The following HIVEP3 variants were observed in gnomAD, a reference collection of about 807,000 sequenced individuals.
HIVEP3 encodes the protein transcription factor HIVEP3.
A neutral mutation model predicts 152.8 loss-of-function variants in HIVEP3; 49 were observed. That is an observed-to-expected ratio of 0.32 (90% CI 0.26 to 0.41). HIVEP3 has a LOEUF of 0.41. Ranked by LOEUF, HIVEP3 falls within the 10% of genes least tolerant of loss-of-function variation. The probability of loss-of-function intolerance (pLI) is 1.00; values close to 1 mark genes in which losing one functional copy is unlikely to be tolerated. For missense variants in HIVEP3, 2,790 were observed against 3,103.3 expected, an observed-to-expected ratio of 0.90 and a Z score of 2.40; for synonymous variants, 1,269 against 1,289.0, an observed-to-expected ratio of 0.98 and a Z score of 0.33.
intron 1 of HIVEP3, among the ~76,000 whole-genome samples, chr1:41,729,466 G>C (rs757930310): frequency 2.6e-5 from 4 of 152,196 alleles, no homozygotes; most frequent in Non-Finnish European, 5.9e-5. Context: ...CAGGGACCAC[G>C]GGTTTCCCAG....
intron 1 of HIVEP3, among the ~76,000 whole-genome samples, chr1:41,976,892 G>T (rs1357671277): frequency 5.9e-5 from 9 of 152,204 alleles, no homozygotes; most frequent in Non-Finnish European, 8.8e-5. Context: ...TTGAGAGGGA[G>T]CACGGCCTTG....
chr1:41,800,589 A>T (rs1650244251), intron 1 of HIVEP3, among the ~76,000 whole-genome samples: 1 of 152,234 alleles, frequency 6.6e-6, no homozygotes, highest in African/African-American at 2.4e-5. Flanking sequence ...TGTGAGAAAT[A>T]ATAAATCATG....
At chr1:41,878,370 G>T (rs1385427551) in intron 1 of HIVEP3, among the ~76,000 whole-genome samples, 1 of 152,080 alleles carries the variant, frequency 6.6e-6, no homozygotes, top group Non-Finnish European at 1.5e-5. Flanking sequence ...GGATATGAGG[G>T]TCCTGCTGTA....
intron 1 of HIVEP3, among the ~76,000 whole-genome samples, chr1:41,833,984 C>T (rs927265576): frequency 2.0e-5 from 3 of 152,120 alleles, no homozygotes; most frequent in African/African-American, 4.8e-5. Context: ...CAAGGACCTC[C>T]CTCCTGCTCC....
intron 1 of HIVEP3, among the ~76,000 whole-genome samples, chr1:41,803,815 A>C (rs1165676549): frequency 6.6e-6 from 1 of 152,192 alleles, no homozygotes; most frequent in Non-Finnish European, 1.5e-5. Context: ...GATCACGGGG[A>C]AAATGTATCT....
intron 1 of HIVEP3, among the ~76,000 whole-genome samples, chr1:42,007,984 A>C (rs1645470389): frequency 6.6e-6 from 1 of 152,126 alleles, no homozygotes; most frequent in Non-Finnish European, 1.5e-5. Context: ...TATCCCTTTT[A>C]AAACCTCCCA....
At chr1:41,817,600 T>G (rs1023494294) in intron 1 of HIVEP3, among the ~76,000 whole-genome samples, 4 of 152,172 alleles carry the variant, frequency 2.6e-5, no homozygotes, top group Admixed American at 6.5e-5. Flanking sequence ...CAGGAGGACC[T>G]GTGGTTCAAT....
chr1:41,778,855 G>A (rs900290861), intron 1 of HIVEP3, among the ~76,000 whole-genome samples: 12 of 152,180 alleles, frequency 7.9e-5, no homozygotes, highest in Non-Finnish European at 5.9e-5. Flanking sequence ...CGGGTGGTAC[G>A]GAAGATCTCT....
At chr1:41,842,616 T>A (rs985924779) in intron 1 of HIVEP3, among the ~76,000 whole-genome samples, 1 of 152,106 alleles carries the variant, frequency 6.6e-6, no homozygotes, top group Admixed American at 6.5e-5. Flanking sequence ...TTCCCACAGC[T>A]CAGACCCACT....
chr1:41,927,081 G>C (rs1447688927), intron 1 of HIVEP3, among the ~76,000 whole-genome samples: 1 of 152,232 alleles, frequency 6.6e-6, no homozygotes, highest in Non-Finnish European at 1.5e-5. Flanking sequence ...AGGAGAGTCT[G>C]ATGTTGGTAA....
intron 1 of HIVEP3, among the ~76,000 whole-genome samples, chr1:41,969,683 G>A (rs145235082): frequency 1.5e-3 from 230 of 152,264 alleles, no homozygotes; most frequent in African/African-American, 4.9e-3. Flanking sequence ...AAAAGCAATT[G>A]CAACAAAAGC....
In HIVEP3 at chr1:41,971,910, T is replaced by C. The variant is rs542051440; in HGVS notation, n.120-53386A>G. Among the ~76,000 whole-genome samples, 31 of 152,304 alleles carry C rather than the reference T, an allele frequency of 2.0e-4. No homozygotes were observed. In the South Asian group the frequency reaches 6.4e-3, roughly 32 times the overall value. On this transcript the variant is annotated intron_variant and non_coding_transcript_variant, in intron 1 of 3. Transcript: ENST00000489103. ...GTTACCCTTCCTGTCCCTTCTACCA[T>C]GTGAGGACACGGTGTTCCTGCCCTC...
In HIVEP3 at chr1:41,585,224, C is replaced by T; in HGVS notation, c.-427G>A. On this transcript the variant is annotated 5_prime_UTR_variant, in exon 4 of 9. The change creates a new upstream start codon in the 5' untranslated region. Coordinates refer to ENST00000372583, the MANE Select transcript of HIVEP3 (RefSeq NM_024503.5). ...GGCCCAGTCATCCCTGGTCCTGGCACAAGAGATGCCACGCTGGATGCTGGG... is the reference window on the plus strand; with the variant it reads ...GGCCCAGTCATCCCTGGTCCTGGCATAAGAGATGCCACGCTGGATGCTGGG... 1 of 399,156 alleles carries T rather than the reference C, an allele frequency of 2.5e-6. No homozygotes were observed. Among genetic ancestry groups the T allele is most frequent in the Non-Finnish European group, 4.4e-6 (1 of 226,176 alleles). The allele number at this position is 399,156 out of a possible 1,614,324, so 24.7% of individuals were successfully genotyped here.
intron 2 of HIVEP3, among the ~76,000 whole-genome samples, chr1:41,685,097 C>T (rs1243579157): frequency 6.6e-6 from 1 of 152,220 alleles, no homozygotes; most frequent in African/African-American, 2.4e-5. Flanking sequence ...CCCCCACTGT[C>T]CCATCCATAC....
At chr1:41,680,805 C>A (rs12563800) in intron 2 of HIVEP3, among the ~76,000 whole-genome samples, 5,236 of 152,220 alleles carry the variant, frequency 0.034, 131 homozygotes, top group African/African-American at 0.068. Flanking sequence ...AGAGGGTAGA[C>A]CTCAAGTGTT....
chr1:41,527,245 ACACACACACACC>A (rs1642999334), intron 5 of HIVEP3, among the ~76,000 whole-genome samples: 1 of 24,682 alleles, frequency 4.1e-5, no homozygotes, highest in Non-Finnish European at 9.3e-5. Context: ...CACTCACCTC[ACACACACACACC>A]CTCACATGCT....
At chr1:41,936,079 C>T (rs1368636936) in intron 1 of HIVEP3, among the ~76,000 whole-genome samples, 1 of 152,016 alleles carries the variant, frequency 6.6e-6, no homozygotes, top group Non-Finnish European at 1.5e-5. Flanking sequence ...AGGAAGAGTG[C>T]TACAAAGAAC....
At chr1:41,839,502 G>A (rs1296313074) in intron 1 of HIVEP3, among the ~76,000 whole-genome samples, 1 of 152,228 alleles carries the variant, frequency 6.6e-6, no homozygotes, top group African/African-American at 2.4e-5. Flanking sequence ...TGACCCAGGA[G>A]ATGAAGGTAG....
At chr1:41,693,380 C>T (rs913583169) in intron 2 of HIVEP3, among the ~76,000 whole-genome samples, 1 of 152,214 alleles carries the variant, frequency 6.6e-6, no homozygotes, top group Admixed American at 6.5e-5. Flanking sequence ...CCCCAAAGGA[C>T]ACTTTGATTG....
Sources: gnomAD v4.1 joint callset for allele counts (sites outside exome capture counted in the v4.1 genomes callset) on GRCh38, gnomAD v4.1.1 for gene constraint, MANE v1.5 for transcripts, NCBI Gene and HGNC (gene_info 2026-07-23, HGNC 2026-07-21) for gene names.